Variants in GRIK2 observed in about 807,000 individuals in gnomAD.
GRIK2 encodes glutamate ionotropic receptor kainate type subunit 2, also known as glutamate receptor ionotropic, kainate 2.
Under a neutral mutation model 100.3 loss-of-function variants are expected in GRIK2, and 32 were observed. The ratio of observed to expected loss-of-function variants is 0.32; its 90% CI spans 0.24 to 0.43. The LOEUF (loss-of-function observed/expected upper bound fraction) is 0.43, where lower values mean the gene tolerates loss of function less well. Ranked by LOEUF, GRIK2 falls within the 20% of genes least tolerant of loss-of-function variation. The probability of loss-of-function intolerance (pLI) is 1.00; values close to 1 mark genes in which losing one functional copy is unlikely to be tolerated. For synonymous variants in GRIK2, 417 were observed against 389.4 expected, an observed-to-expected ratio of 1.07 and a Z score of -0.83; for missense variants, 843 against 1,114.9, an observed-to-expected ratio of 0.76 and a Z score of 3.47.
chr6:101,774,966 T>C (rs1451021121), intron 7 of GRIK2, among the ~76,000 whole-genome samples: 1 of 152,172 alleles, frequency 6.6e-6, no homozygotes, highest in Non-Finnish European at 1.5e-5. Flanking sequence ...TTTATAACTT[T>C]AAAACTTCAT....
chr6:101,493,663 G>T (rs1428427465), intron 2 of GRIK2, among the ~76,000 whole-genome samples: 1 of 151,794 alleles, frequency 6.6e-6, no homozygotes, highest in Non-Finnish European at 1.5e-5. Context: ...GAATAGAGGA[G>T]AAAGTAGAGT....
intron 2 of GRIK2, among the ~76,000 whole-genome samples, chr6:101,560,557 A>T (rs1302092338): frequency 6.6e-6 from 1 of 152,100 alleles, no homozygotes; most frequent in Non-Finnish European, 1.5e-5. Flanking sequence ...CATTGTAGAT[A>T]ATTAGAAACT....
chr6:101,781,463 C>T (rs1290510094), intron 7 of GRIK2, among the ~76,000 whole-genome samples: 1 of 152,078 alleles, frequency 6.6e-6, no homozygotes, highest in Non-Finnish European at 1.5e-5. Context: ...TTTAGTGTTG[C>T]CTACAAGAGT....
At chr6:101,946,705 C>T (rs537490961) in intron 14 of GRIK2, among the ~76,000 whole-genome samples, 59 of 151,986 alleles carry the variant, frequency 3.9e-4, no homozygotes, top group Non-Finnish European at 6.3e-4. Flanking sequence ...AGAGGAGATG[C>T]CAGGATTCAG....
At chr6:101,919,099 T>C (rs1789327891) in intron 12 of GRIK2, among the ~76,000 whole-genome samples, 1 of 151,658 alleles carries the variant, frequency 6.6e-6, no homozygotes, top group African/African-American at 2.4e-5. Flanking sequence ...AAATATTGAG[T>C]CATATTATAT....
At chr6:101,500,154 A>G (rs1304517889) in intron 2 of GRIK2, among the ~76,000 whole-genome samples, 2 of 152,132 alleles carry the variant, frequency 1.3e-5, no homozygotes, top group African/African-American at 2.4e-5. Flanking sequence ...GCCTTAAAGT[A>G]AGTTCTATCT....
At chr6:102,050,507 C>G (rs1771114404) in intron 15 of GRIK2, among the ~76,000 whole-genome samples, 1 of 151,920 alleles carries the variant, frequency 6.6e-6, no homozygotes, top group Admixed American at 6.6e-5. Flanking sequence ...CAAAAATTAG[C>G]TGGGCGTAGG....
At chr6:101,516,032 G>T (rs2128279803) in intron 2 of GRIK2, among the ~76,000 whole-genome samples, 1 of 152,082 alleles carries the variant, frequency 6.6e-6, no homozygotes, top group Middle Eastern at 3.4e-3. Context: ...TTATCTTCTA[G>T]AACTTTTATA....
intron 13 of GRIK2, among the ~76,000 whole-genome samples, chr6:101,926,623 G>A (rs191448612): frequency 6.6e-5 from 10 of 152,260 alleles, no homozygotes; most frequent in Admixed American, 6.5e-4. Flanking sequence ...TTCAAGCAAT[G>A]AAAAATTCAA....
chr6:101,723,076 T>TA (rs1774601826), intron 7 of GRIK2, among the ~76,000 whole-genome samples: 2 of 152,122 alleles, frequency 1.3e-5, no homozygotes, highest in African/African-American at 4.8e-5. Context: ...AATGAGTAGT[T>TA]AGAGTCCATG....
chr6:101,552,659 A>G (rs1203569005), intron 2 of GRIK2, among the ~76,000 whole-genome samples: 1 of 152,178 alleles, frequency 6.6e-6, no homozygotes, highest in Non-Finnish European at 1.5e-5. Context: ...GCTTCACTGC[A>G]CATAATGTGG....
intron 2 of GRIK2, among the ~76,000 whole-genome samples, chr6:101,499,611 T>C (rs1002391692): frequency 5.3e-5 from 8 of 152,182 alleles, no homozygotes; most frequent in African/African-American, 1.4e-4. Context: ...CCAGAAATCA[T>C]TGCTAATTTG....
chr6:102,001,294 C>A (rs1794927915), intron 14 of GRIK2, among the ~76,000 whole-genome samples: 1 of 151,454 alleles, frequency 6.6e-6, no homozygotes, highest in African/African-American at 2.4e-5. Context: ...ACCTATCAAC[C>A]TGTCATCTAG....
chr6:101,939,477 C>A (rs1562499300), intron 14 of GRIK2, among the ~76,000 whole-genome samples: 1 of 152,000 alleles, frequency 6.6e-6, no homozygotes. Flanking sequence ...ATACAGGTTA[C>A]CTATGGTTAA....
intron 14 of GRIK2, among the ~76,000 whole-genome samples, chr6:101,979,325 A>G (rs1793579896): frequency 6.6e-6 from 1 of 151,968 alleles, no homozygotes. Flanking sequence ...ACAGAGGAAA[A>G]TGGTGTGAAA....
chr6:101,499,367 TA>T (rs1773629306), intron 2 of GRIK2, among the ~76,000 whole-genome samples: 1 of 152,142 alleles, frequency 6.6e-6, no homozygotes, highest in Non-Finnish European at 1.5e-5. Context: ...GGGAACTTTA[TA>T]TTTTTTTATT....
At chr6:101,493,164 TAATC>T (rs1042698667) in intron 2 of GRIK2, among the ~76,000 whole-genome samples, 1 of 151,900 alleles carries the variant, frequency 6.6e-6, no homozygotes, top group Non-Finnish European at 1.5e-5. Flanking sequence ...AATATACAAT[TAATC>T]AAGTTGTCCA....
At chr6:101,795,208 A>T (rs562648126) in intron 7 of GRIK2, among the ~76,000 whole-genome samples, 2 of 151,804 alleles carry the variant, frequency 1.3e-5, no homozygotes, top group African/African-American at 2.4e-5. Context: ...ATAAGGGAAA[A>T]TTTTTCCTAT....
intron 7 of GRIK2, among the ~76,000 whole-genome samples, chr6:101,715,264 A>G (rs1402098979): frequency 2.0e-5 from 3 of 151,780 alleles, no homozygotes; most frequent in Non-Finnish European, 4.4e-5. Context: ...ATGACCCCAC[A>G]TAAACAGTCC....
Sources: allele counts gnomAD v4.1 joint callset (sites outside exome capture counted in the v4.1 genomes callset), GRCh38; gene constraint gnomAD v4.1.1; transcripts MANE v1.5; gene names NCBI Gene and HGNC (gene_info 2026-07-23, HGNC 2026-07-21).